Variants in CDC42SE2 observed in about 807,000 individuals in gnomAD.
The protein encoded by CDC42SE2 is CDC42 small effector protein 2.
A neutral mutation model predicts 11.5 loss-of-function variants in CDC42SE2; 3 were observed. That is an observed-to-expected ratio of 0.26 (90% CI 0.12 to 0.67). The LOEUF (loss-of-function observed/expected upper bound fraction) is 0.67. Among genes scored for constraint, CDC42SE2 ranks in the 30% least tolerant of loss-of-function variants. The pLI is 0.80. For synonymous variants in CDC42SE2, 33 were observed against 34.8 expected, an observed-to-expected ratio of 0.95 and a Z score of 0.18; for missense variants, 82 against 106.8, an observed-to-expected ratio of 0.77 and a Z score of 1.02.
intron 2 of CDC42SE2, among the ~76,000 whole-genome samples, chr5:131,335,531 T>C (rs1011472185): frequency 6.6e-6 from 1 of 152,208 alleles, no homozygotes; most frequent in African/African-American, 2.4e-5. Flanking sequence ...TTGTTAACTT[T>C]CTGTCTCATT....
Position 131,359,545 on chromosome 5 carries a change from C to T in CDC42SE2, c.52C>T (p.Pro18Ser), listed in dbSNP as rs1192199198. ...CTGCTGTATTGCAGAACAGCCTCAG[C>T]CTGTAAGTATGAAGTATGTGGACAC... Reference protein sequence around the residue: ...FNCCIAEQPQPKRRRRIDRSM... With the variant: ...FNCCIAEQPQSKRRRRIDRSM... The change falls in exon 3 of 5, where the codon CCT becomes TCT. Residue 18 changes from proline to serine, a missense_variant and splice_region_variant. Coordinates refer to ENST00000505065, the MANE Select transcript of CDC42SE2 (RefSeq NM_001375635.1). 6.2e-7 allele frequency: 1 copy of T among 1,610,138 alleles called. No homozygotes were observed. Among genetic ancestry groups the T allele is most frequent in the Non-Finnish European group, 8.5e-7 (1 of 1,176,490 alleles).
At chr5:131,336,971 G>A (rs542425234) in intron 2 of CDC42SE2, among the ~76,000 whole-genome samples, 12 of 152,212 alleles carry the variant, frequency 7.9e-5, no homozygotes, top group Non-Finnish European at 1.5e-4. Flanking sequence ...CTGTCAGCTC[G>A]TCAGTCATTC....
At chr5:131,317,217 A>G (rs915155657) in intron 2 of CDC42SE2, among the ~76,000 whole-genome samples, 6 of 152,062 alleles carry the variant, frequency 3.9e-5, no homozygotes, top group Non-Finnish European at 8.8e-5. Context: ...CACATGTTCA[A>G]GTGGTTAGTT....
At chr5:131,232,329 G>A in the CDC42SE2 span, among the ~76,000 whole-genome samples, 1 of 151,956 alleles carries the variant, frequency 6.6e-6, no homozygotes, top group South Asian at 2.1e-4. Context: ...GCCCAGGCTG[G>A]TCTTGAACTC....
intron 1 of CDC42SE2, among the ~76,000 whole-genome samples, chr5:131,287,558 G>A (rs771171529): frequency 2.6e-5 from 4 of 151,402 alleles, no homozygotes; most frequent in Non-Finnish European, 4.4e-5. Context: ...AACTTCCTGC[G>A]GTCAGGTGAT....
chr5:131,378,118 C>G (rs1750208151), intron 3 of CDC42SE2, among the ~76,000 whole-genome samples: 1 of 152,160 alleles, frequency 6.6e-6, no homozygotes, highest in Admixed American at 6.5e-5. Flanking sequence ...ATGTTCAGAA[C>G]AGGAAATATC....
At chr5:131,226,931 A>G in the CDC42SE2 span, among the ~76,000 whole-genome samples, 1,934 of 152,252 alleles carry the variant, frequency 0.013, 31 homozygotes, top group Admixed American at 0.032. Context: ...TCAGACCCTA[A>G]CTCATACAAT....
intron 1 of CDC42SE2, among the ~76,000 whole-genome samples, chr5:131,277,801 C>T (rs1224634174): frequency 6.6e-6 from 1 of 152,192 alleles, no homozygotes; most frequent in Non-Finnish European, 1.5e-5. Flanking sequence ...TCCTCCCCAT[C>T]ACTGTTTTAA....
At chr5:131,387,904 C>T (rs17167499) in intron 4 of CDC42SE2, among the ~76,000 whole-genome samples, 6,699 of 152,206 alleles carry the variant, frequency 0.044, 528 homozygotes, top group African/African-American at 0.15. Flanking sequence ...ATAGTTATTT[C>T]GTATTTGAGT....
At chr5:131,362,528 C>G (rs547277341) in intron 3 of CDC42SE2, among the ~76,000 whole-genome samples, 1 of 152,270 alleles carries the variant, frequency 6.6e-6, no homozygotes, top group Non-Finnish European at 1.5e-5. Context: ...AAAATATTTA[C>G]TGAAATAAAG....
intron 2 of CDC42SE2, among the ~76,000 whole-genome samples, chr5:131,316,787 A>G (rs1287842510): frequency 1.3e-5 from 2 of 152,296 alleles, no homozygotes; most frequent in South Asian, 2.1e-4. Context: ...CCATGCCTAT[A>G]GCCTCTCTAT....
chr5:131,341,592 T>G (rs1404356499), intron 2 of CDC42SE2, among the ~76,000 whole-genome samples: 2 of 152,010 alleles, frequency 1.3e-5, no homozygotes, highest in Non-Finnish European at 2.9e-5. Context: ...ACATACCAAC[T>G]TAGAGCAGTT....
In CDC42SE2 at chr5:131,277,710, G is replaced by GT. The variant is rs577827786; in HGVS notation, c.-455+13550dup. The stretch of plus-strand genomic sequence containing the variant: ...TGTTTGAAATGGTGTTTTCCCAGAT[G>GT]TTTTTTAGCCTGGCCCTTTACCTTT... On this transcript the variant is annotated intron_variant, in intron 1 of 4. Coordinates refer to ENST00000505065, the MANE Select transcript of CDC42SE2 (RefSeq NM_001375635.1). 7.8e-4 allele frequency among the ~76,000 whole-genome samples: 119 copies of GT among 152,214 alleles called. 1 individual carries two copies. The East Asian group carries it at 0.022, about 28-fold the overall frequency.
rs368471854 is a variant in CDC42SE2 at position 131,375,100 on chromosome 5, A to G, written c.55-10443A>G. 6.7e-4 allele frequency among the ~76,000 whole-genome samples: 100 copies of G among 149,758 alleles called. 1 individual carries two copies. Among genetic ancestry groups the G allele is most frequent in the Non-Finnish European group, 1.2e-3 (83 of 67,756 alleles). Reference sequence around the variant, plus strand: ...ACTTGGAATATGTGACTTAAACCAGATACTAATTTTAAATAGAAGGAGAAA... The same window carrying G: ...ACTTGGAATATGTGACTTAAACCAGGTACTAATTTTAAATAGAAGGAGAAA... On this transcript the variant is annotated intron_variant, in intron 3 of 4. Transcript: ENST00000505065.
chr5:131,302,786 C>T (rs1561577610), intron 1 of CDC42SE2, among the ~76,000 whole-genome samples: 1 of 150,494 alleles, frequency 6.6e-6, no homozygotes, highest in East Asian at 1.9e-4. Flanking sequence ...ATCATTATGA[C>T]TTACCAGGAG....
chr5:131,333,950 T>C (rs1758489926), intron 2 of CDC42SE2, among the ~76,000 whole-genome samples: 1 of 152,204 alleles, frequency 6.6e-6, no homozygotes, highest in African/African-American at 2.4e-5. Flanking sequence ...TTGAATACCC[T>C]TTATTCCCTT....
At chr5:131,244,972 A>C (rs1226389654), upstream of CDC42SE2, among the ~76,000 whole-genome samples, 1 of 152,146 alleles carries the variant, frequency 6.6e-6, no homozygotes, top group Non-Finnish European at 1.5e-5. Flanking sequence ...ATACAAAGAA[A>C]ATGTAATGGC....
At chr5:131,335,945 A>G (rs570307770) in intron 2 of CDC42SE2, among the ~76,000 whole-genome samples, 2 of 152,256 alleles carry the variant, frequency 1.3e-5, no homozygotes, top group East Asian at 3.9e-4. Flanking sequence ...GTGCCTTTTA[A>G]TTGGAGCATT....
intron 2 of CDC42SE2, among the ~76,000 whole-genome samples, chr5:131,326,896 C>T (rs1249559928): frequency 1.3e-5 from 2 of 152,102 alleles, no homozygotes. Flanking sequence ...AGGCATGAGA[C>T]CATGGTTGGC....
Sources: allele counts gnomAD v4.1 joint callset (sites outside exome capture counted in the v4.1 genomes callset), GRCh38; gene constraint gnomAD v4.1.1; transcripts MANE v1.5; gene names NCBI Gene and HGNC (gene_info 2026-07-23, HGNC 2026-07-21).